The following LAMP5 variants were observed in gnomAD, a reference collection of about 807,000 sequenced individuals.
LAMP5 encodes the protein lysosome-associated membrane glycoprotein 5.
In LAMP5, 36 loss-of-function variants were observed where a neutral mutation model predicts 30.2. That is an observed-to-expected ratio of 1.19 (90% CI 0.91 to 1.57). LAMP5 has a LOEUF of 1.57. Among genes scored for constraint, LAMP5 ranks in the 40% most tolerant of loss-of-function variants. The pLI is 0.00. For synonymous variants in LAMP5, 149 were observed against 134.6 expected (o/e 1.11, Z -0.74); for missense variants, 377 against 354.9 (o/e 1.06, Z -0.50).
chr20:9,515,123 A>G, intron 1 of LAMP5: 1 of 611,284 alleles, frequency 1.6e-6, no homozygotes. Context: ...TCTGTGGCAT[A>G]TTCCAGACAG....
intron 5 of LAMP5, among the ~76,000 whole-genome samples, chr20:9,518,868 A>G (rs2122834424): frequency 6.6e-6 from 1 of 151,574 alleles, no homozygotes. Flanking sequence ...TCCACCAAGC[A>G]TCTTCGTGAG....
chr20:9,521,207 G>A (rs2045077606), intron 5 of LAMP5, among the ~76,000 whole-genome samples: 1 of 152,122 alleles, frequency 6.6e-6, no homozygotes, highest in African/African-American at 2.4e-5. Context: ...AAAGCAGAGG[G>A]GCTTTGGAGA....
At position 9,516,147 on chromosome 20, in the gene LAMP5, G is replaced by A. The variant is rs768368831; in HGVS notation, c.369+16G>A. On this transcript the variant is annotated intron_variant, in intron 3 of 5. Coordinates refer to ENST00000246070, the MANE Select transcript of LAMP5 (RefSeq NM_012261.4). ...CTTTGTAAAGGTAACTCCGAGCCCA[G>A]CGGGCAGAGGGGCCGCAGGCTCCGC... The A allele has an allele frequency of 1.3e-6, 2 of 1,575,802 alleles. No individual in the cohort carries two copies. Among genetic ancestry groups the A allele is most frequent in the Non-Finnish European group, 1.7e-6 (2 of 1,161,998 alleles).
At chr20:9,523,402 T>A (rs1253337335) in intron 5 of LAMP5, among the ~76,000 whole-genome samples, 1 of 152,036 alleles carries the variant, frequency 6.6e-6, no homozygotes, top group Non-Finnish European at 1.5e-5. Flanking sequence ...TGCCATTCAT[T>A]GGGGGTGCAA....
At chr20:9,518,327 C>A in intron 5 of LAMP5, 99 bp downstream of exon 5, 1 of 1,048,756 alleles carries the variant, frequency 9.5e-7, no homozygotes, top group Non-Finnish European at 1.4e-6. Context: ...ACTTGGATTT[C>A]CTCTAGGTTG....
Position 9,516,243 on chromosome 20 carries a change from C to A in LAMP5, c.370-13C>A, listed in dbSNP as rs543270579. 1.9e-6 allele frequency: 3 copies of A among 1,614,056 alleles called. No individual in the cohort carries two copies. In the African/African-American group the frequency reaches 4.0e-5, roughly 22 times the overall value. On this transcript the variant is annotated splice_polypyrimidine_tract_variant and intron_variant, in intron 3 of 5. Coordinates refer to ENST00000246070, the MANE Select transcript of LAMP5 (RefSeq NM_012261.4). ...TGCGGGGACGATTGAAGCGCACCTC[C>A]CCGGCTCAACAGGAAAGCCACAACA...
At position 9,529,903 on chromosome 20, in the gene LAMP5, C is replaced by G. The variant is rs564860506; in HGVS notation, c.*83C>G. On this transcript the variant is annotated 3_prime_UTR_variant, in exon 6 of 6. Transcript: ENST00000246070. ...CAAAAGCACTTTTCCATCTTGTACA[C>G]GAGATACACCAACATAGCTACAATC... is the stretch of plus-strand genomic sequence containing the variant. 3.7e-6 allele frequency: 5 copies of G among 1,340,212 alleles called. 1 individual carries two copies. The Admixed American group carries it at 9.2e-5, about 25-fold the overall frequency. 83.0% of individuals were successfully genotyped at this position (1,340,212 alleles called of 1,614,324 possible).
intron 5 of LAMP5, among the ~76,000 whole-genome samples, chr20:9,527,455 G>T (rs2045121987): frequency 6.6e-6 from 1 of 152,160 alleles, no homozygotes; most frequent in African/African-American, 2.4e-5. Context: ...TCCACTAATT[G>T]TTATTATTAG....
Position 9,516,401 on chromosome 20 carries a change from A to C in LAMP5, c.475+40A>C, listed in dbSNP as rs867831028. ...GCATGGCTGGGGAGGGAGCCTGGGA[A>C]CTCGCAGAACAGGCTTGGAGAGAGA... On this transcript the variant is annotated intron_variant, in intron 4 of 5. Transcript: ENST00000246070. 3.3e-6 allele frequency: 5 copies of C among 1,500,554 alleles called. No homozygotes were observed. In the Middle Eastern group the frequency reaches 8.5e-4, roughly 255 times the overall value. The allele number at this position is 1,500,554 out of a possible 1,614,324, so 93.0% of individuals were successfully genotyped here. A position where few individuals can be genotyped will look rare whatever the true frequency, so the allele number is the denominator to read the frequency against.
At chr20:9,526,860 G>GTGTGTATA (rs1426298098) in intron 5 of LAMP5, among the ~76,000 whole-genome samples, 1 of 80,230 alleles carries the variant, frequency 1.2e-5, no homozygotes, top group African/African-American at 4.4e-5. Context: ...GTGTGTGTGT[G>GTGTGTATA]TATATATATA....
intron 5 of LAMP5, among the ~76,000 whole-genome samples, chr20:9,529,277 T>A (rs1245284595): frequency 1.3e-5 from 2 of 152,238 alleles, no homozygotes; most frequent in Non-Finnish European, 2.9e-5. Flanking sequence ...TATTTTTATA[T>A]AATGCGTTAT....
intron 5 of LAMP5, among the ~76,000 whole-genome samples, chr20:9,522,656 G>A (rs1339049356): frequency 2.6e-5 from 4 of 152,186 alleles, no homozygotes; most frequent in Non-Finnish European, 5.9e-5. Context: ...TCACCTGAGG[G>A]TGAGCAAACC....
intron 4 of LAMP5, among the ~76,000 whole-genome samples, chr20:9,516,742 G>A (rs1250083000): frequency 6.6e-6 from 1 of 152,128 alleles, no homozygotes; most frequent in Non-Finnish European, 1.5e-5. Flanking sequence ...TTTCTTATGC[G>A]CTAAAACTGC....
intron 4 of LAMP5, among the ~76,000 whole-genome samples, chr20:9,517,023 CT>C (rs2045045514): frequency 1.3e-5 from 2 of 152,266 alleles, no homozygotes; most frequent in Non-Finnish European, 2.9e-5. Context: ...TTATTTTATT[CT>C]TTATAAGTTG....
rs200635745 is a variant in LAMP5 at position 9,515,645 on chromosome 20, C to G, written c.237+20C>G. 1.4e-4 allele frequency: 228 copies of G among 1,611,654 alleles called. 1 individual carries two copies. Among genetic ancestry groups the G allele is most frequent in the Admixed American group, 3.7e-4 (22 of 59,902 alleles). On this transcript the variant is annotated intron_variant, in intron 2 of 5. Coordinates refer to ENST00000246070, the MANE Select transcript of LAMP5 (RefSeq NM_012261.4). ...GTAGATGTAAGGAATCTTTCCCCCC[C>G]CTCAGCTTGCTCCTAGGGCTCCAGG... is the stretch of plus-strand genomic sequence containing the variant.
Position 9,515,625 on chromosome 20 carries a change from T to C in LAMP5, c.237T>C (p.Asp79=). 6.2e-7 allele frequency: 1 copy of C among 1,609,134 alleles called. No individual in the cohort carries two copies. ...PYDVWASNYV[D]LITEQADIAL... is the part of the protein sequence containing the mutation. ...ATGTGTGGGCCAGCAACTACGTAGA[T>C]GTAAGGAATCTTTCCCCCCCCTCAG... The change falls in exon 2 of 6, where the codon GAT becomes GAC. Residue 79 remains aspartate (D), a splice_region_variant and synonymous_variant. Transcript: ENST00000246070.
chr20:9,518,259 A>T, intron 5 of LAMP5, 31 bp downstream of exon 5: 2 of 1,600,962 alleles, frequency 1.2e-6, no homozygotes, highest in Non-Finnish European at 1.7e-6. Flanking sequence ...GGGGAAGAAG[A>T]CCTAGTTTAT....
rs750189078 is a variant in LAMP5 at position 9,514,782 on chromosome 20, C to G, written c.-71C>G. The G allele has an allele frequency of 1.6e-5, 24 of 1,462,106 alleles. No individual in the cohort carries two copies. Among genetic ancestry groups the G allele is most frequent in the Non-Finnish European group, 2.2e-5 (23 of 1,046,818 alleles). The allele number at this position is 1,462,106 out of a possible 1,614,324, so 90.6% of individuals were successfully genotyped here. On this transcript the variant is annotated 5_prime_UTR_variant, in exon 1 of 6. Transcript: ENST00000246070. Reference sequence around the variant, plus strand: ...CGCTCACCCCGGCCCACTCCAGCGGCGACTTTGAGGGATTCCCTCTCTGGC... The same window carrying G: ...CGCTCACCCCGGCCCACTCCAGCGGGGACTTTGAGGGATTCCCTCTCTGGC...
intron 5 of LAMP5, among the ~76,000 whole-genome samples, chr20:9,524,506 A>T (rs1426921478): frequency 6.7e-6 from 1 of 149,104 alleles, no homozygotes; most frequent in African/African-American, 2.5e-5. Flanking sequence ...TCATAGGCAG[A>T]GATTAAAAGC....
Sources: gnomAD v4.1 joint callset for allele counts (sites outside exome capture counted in the v4.1 genomes callset) on GRCh38, gnomAD v4.1.1 for gene constraint, MANE v1.5 for transcripts, NCBI Gene and HGNC (gene_info 2026-07-23, HGNC 2026-07-21) for gene names.